Variants in PDCD7 observed in about 807,000 individuals in gnomAD.
The protein encoded by PDCD7 is programmed cell death protein 7.
PDCD7 carries 40 observed loss-of-function variants against 42.1 expected under a neutral mutation model. That is an observed-to-expected ratio of 0.95 (90% CI 0.74 to 1.24). PDCD7 has a LOEUF of 1.24. Among genes scored for constraint, PDCD7 ranks in the 50% most tolerant of loss-of-function variants. The pLI, the probability that PDCD7 is intolerant of heterozygous loss-of-function variation, is 0.00. For synonymous variants in PDCD7, 299 were observed against 303.3 expected, an observed-to-expected ratio of 0.99 and a Z score of 0.15; for missense variants, 644 against 662.8, an observed-to-expected ratio of 0.97 and a Z score of 0.31.
At chr15:65,121,302 C>T (rs909927144) in intron 2 of PDCD7, among the ~76,000 whole-genome samples, 1 of 152,128 alleles carries the variant, frequency 6.6e-6, no homozygotes, top group African/African-American at 2.4e-5. Flanking sequence ...ATCCACCCAC[C>T]TTGGCCTCCC....
At position 65,133,576 on chromosome 15, in the gene PDCD7, T is replaced by A; in HGVS notation, c.206A>T (p.Glu69Val). The A allele has an allele frequency of 8.1e-7, 1 of 1,231,244 alleles. No homozygotes were observed. The highest frequency in any genetic ancestry group is 1.0e-6 in the Non-Finnish European group (1 of 987,296). 76.3% of individuals were successfully genotyped at this position (1,231,244 alleles called of 1,614,324 possible). Residue 69 changes from glutamate to valine, a missense_variant, in exon 1 of 5, where the codon GAG becomes GTG. Coordinates refer to ENST00000204549, the MANE Select transcript of PDCD7 (RefSeq NM_005707.2). ...AGCGCCGCCTCCGCCGCGGGAGGCC[T>A]CCGCGGAGGCTCGGGGCTGCAGAGC... ...PLALQPRASAEASRGGGGAGA... is the reference protein window; with the variant it reads ...PLALQPRASAVASRGGGGAGA...
intron 2 of PDCD7, among the ~76,000 whole-genome samples, chr15:65,120,784 G>A (rs2087447423): frequency 6.6e-6 from 1 of 152,164 alleles, no homozygotes; most frequent in African/African-American, 2.4e-5. Context: ...CTGGCCTCAA[G>A]CAATCCTACC....
In PDCD7 at chr15:65,118,603, A is replaced by G; in HGVS notation, c.*114T>C. The G allele has an allele frequency of 9.2e-7, 1 of 1,090,550 alleles. No individual in the cohort carries two copies. Among genetic ancestry groups the G allele is most frequent in the Non-Finnish European group, 1.3e-6 (1 of 781,572 alleles). The allele number at this position is 1,090,550 out of a possible 1,614,324, so 67.6% of individuals were successfully genotyped here. A position where few individuals can be genotyped will look rare whatever the true frequency, so the allele number is the denominator to read the frequency against. Reference sequence around the variant, plus strand: ...GGAAAGCATAACTTCAGGGTAGGGGAATGCCACATGGAATTTAGAAGTTGC... The same window carrying G: ...GGAAAGCATAACTTCAGGGTAGGGGGATGCCACATGGAATTTAGAAGTTGC... On this transcript the variant is annotated 3_prime_UTR_variant, in exon 5 of 5. Transcript: ENST00000204549.
chr15:65,124,576 T>C (rs2087481470), intron 2 of PDCD7, among the ~76,000 whole-genome samples: 1 of 152,216 alleles, frequency 6.6e-6, no homozygotes, highest in South Asian at 2.1e-4. Flanking sequence ...TTTGCCTCTA[T>C]TCCCCTTTAG....
Position 65,133,589 on chromosome 15 carries a change from G to C in PDCD7, c.193C>G (p.Arg65Gly), listed in dbSNP as rs762426110. 1,098 of 1,233,206 alleles carry C rather than the reference G, an allele frequency of 8.9e-4. 1 individual carries two copies. The highest frequency in any genetic ancestry group is 1.0e-3 in the Non-Finnish European group (1,015 of 987,896). The allele number at this position is 1,233,206 out of a possible 1,614,324, so 76.4% of individuals were successfully genotyped here. A position where few individuals can be genotyped will look rare whatever the true frequency, so the allele number is the denominator to read the frequency against. ...CCGCGGGAGGCCTCCGCGGAGGCTCGGGGCTGCAGAGCCAGCGGAGGCTGA... is the reference window on the plus strand; with the variant it reads ...CCGCGGGAGGCCTCCGCGGAGGCTCCGGGCTGCAGAGCCAGCGGAGGCTGA... ...FLQPPLALQPRASAEASRGGG... is the reference protein window; with the variant it reads ...FLQPPLALQPGASAEASRGGG... The change falls in exon 1 of 5, where the codon CGA (arginine) becomes GGA (glycine). Residue 65 changes from arginine to glycine, a missense_variant. Arg to Gly is a moderately radical substitution (Grantham distance 125). Coordinates refer to ENST00000204549, the MANE Select transcript of PDCD7 (RefSeq NM_005707.2).
In PDCD7 at chr15:65,118,018, C is replaced by T. The variant is rs1169379072; in HGVS notation, c.*699G>A. 1 of 152,138 alleles carries T rather than the reference C, an allele frequency of 6.6e-6. No homozygotes were observed. Among genetic ancestry groups the T allele is most frequent in the African/African-American group, 2.4e-5 (1 of 41,416 alleles). 9.4% of individuals were successfully genotyped at this position (152,138 alleles called of 1,614,324 possible). On this transcript the variant is annotated 3_prime_UTR_variant, in exon 5 of 5. Coordinates refer to ENST00000204549, the MANE Select transcript of PDCD7 (RefSeq NM_005707.2). Reference sequence around the variant, plus strand: ...CTTAGAAACTTAAAAATAACAGGTGCTTTCATTAGGATCCTTCTAACATGG... The same window carrying T: ...CTTAGAAACTTAAAAATAACAGGTGTTTTCATTAGGATCCTTCTAACATGG...
chr15:65,132,249 G>GTA (rs2087546152), intron 1 of PDCD7, among the ~76,000 whole-genome samples: 1 of 150,996 alleles, frequency 6.6e-6, no homozygotes, highest in South Asian at 2.1e-4. Context: ...GCTAATTAGA[G>GTA]TATATATATT....
chr15:65,129,263 C>G (rs921434637), intron 1 of PDCD7, 93 bp from the exon 2 acceptor site: 17 of 1,388,444 alleles, frequency 1.2e-5, no homozygotes, highest in Admixed American at 9.7e-5. Flanking sequence ...AAGGATCAGA[C>G]AGTCTCCAGG....
intron 1 of PDCD7, among the ~76,000 whole-genome samples, chr15:65,132,545 C>T (rs2087549395): frequency 6.6e-6 from 1 of 152,098 alleles, no homozygotes; most frequent in African/African-American, 2.4e-5. Context: ...CCACCGCGCC[C>T]GGCCTGTATT....
chr15:65,130,986 C>T (rs1282813201), intron 1 of PDCD7, among the ~76,000 whole-genome samples: 1 of 152,186 alleles, frequency 6.6e-6, no homozygotes, highest in African/African-American at 2.4e-5. Flanking sequence ...GACATGATCT[C>T]CCACAGATCT....
chr15:65,120,494 G>T lies in PDCD7; in HGVS notation c.1010-540C>A, dbSNP rs2087444919. The stretch of plus-strand genomic sequence containing the variant: ...AATTTTTTGTATGAGGTCTCACGAG[G>T]TCAGGAGATTGAGAACATCCTGGCT... On this transcript the variant is annotated intron_variant, in intron 2 of 4. Coordinates refer to ENST00000204549, the MANE Select transcript of PDCD7 (RefSeq NM_005707.2). Among the ~76,000 whole-genome samples the T allele has an allele frequency of 2.0e-5, 3 of 152,120 alleles. No individual in the cohort carries two copies. The South Asian group carries it at 6.2e-4, about 32-fold the overall frequency.
intron 2 of PDCD7, among the ~76,000 whole-genome samples, chr15:65,121,228 T>C (rs1270759185): frequency 6.6e-6 from 1 of 152,050 alleles, no homozygotes; most frequent in African/African-American, 2.4e-5. Flanking sequence ...CGGCTAATTT[T>C]TGTATTTTTA....
At chr15:65,122,910 G>A (rs2087468197) in intron 2 of PDCD7, among the ~76,000 whole-genome samples, 1 of 151,782 alleles carries the variant, frequency 6.6e-6, no homozygotes. Context: ...GCTGAGGCAG[G>A]AGAATCGCTT....
In PDCD7 at chr15:65,133,711, G is replaced by C; in HGVS notation, c.71C>G (p.Pro24Arg). ...PPPPQPPPPA[P>R]FGCPPPPLPS... is the part of the protein sequence containing the mutation. ...CAGCGGCGGTGGCGGACAGCCGAAA[G>C]GAGCAGGAGGCGGCGGCTGCGGGGG... is the stretch of plus-strand genomic sequence containing the variant. Residue 24 changes from proline to arginine, a missense_variant, in exon 1 of 5, where the codon CCT becomes CGT. Physicochemically the swap from Pro to Arg is moderately radical, Grantham distance 103. Coordinates refer to ENST00000204549, the MANE Select transcript of PDCD7 (RefSeq NM_005707.2). 1 of 1,293,448 alleles carries C rather than the reference G, an allele frequency of 7.7e-7. No homozygotes were observed. The highest frequency in any genetic ancestry group is 9.9e-7 in the Non-Finnish European group (1 of 1,014,464). 80.1% of individuals were successfully genotyped at this position (1,293,448 alleles called of 1,614,324 possible). A position where few individuals can be genotyped will look rare whatever the true frequency, so the allele number is the denominator to read the frequency against.
At chr15:65,120,721 C>T (rs913890980) in intron 2 of PDCD7, among the ~76,000 whole-genome samples, 2 of 151,968 alleles carry the variant, frequency 1.3e-5, no homozygotes, top group African/African-American at 4.8e-5. Context: ...AAAAAAAGAC[C>T]AAAACTTTTT....
Position 65,133,652 on chromosome 15 carries a change from G to A in PDCD7, c.130C>T (p.Arg44Trp). ...GAGGCCCCCGGAAAAGGGCCGGGCC[G>A]CTGGGGGAGAGGCGGCGGGAAAGCC... ...SPAFPPPLPQ[R>W]PGPFPGASAP... The change falls in exon 1 of 5, where the codon CGG (arginine) becomes TGG (tryptophan). Residue 44 changes from arginine to tryptophan, a missense_variant. Physicochemically the swap from Arg to Trp is moderately radical, Grantham distance 101. Transcript: ENST00000204549. 4 of 1,261,868 alleles carry A rather than the reference G, an allele frequency of 3.2e-6. No homozygotes were observed. Among genetic ancestry groups the A allele is most frequent in the Non-Finnish European group, 4.0e-6 (4 of 998,842 alleles). 78.2% of individuals were successfully genotyped at this position (1,261,868 alleles called of 1,614,324 possible).
intron 2 of PDCD7, among the ~76,000 whole-genome samples, chr15:65,120,700 T>A (rs2087446791): frequency 6.6e-6 from 1 of 151,932 alleles, no homozygotes; most frequent in Non-Finnish European, 1.5e-5. Flanking sequence ...AGAGTGAGAC[T>A]CCGTCTCCAA....
chr15:65,118,116 TGAATAATAA>T lies in PDCD7; in HGVS notation c.*592_*600del, dbSNP rs1289804692. 1 of 152,238 alleles carries T rather than the reference TGAATAATAA, an allele frequency of 6.6e-6. No homozygotes were observed. Among genetic ancestry groups the T allele is most frequent in the Non-Finnish European group, 1.5e-5 (1 of 68,042 alleles). 9.4% of individuals were successfully genotyped at this position (152,238 alleles called of 1,614,324 possible). On this transcript the variant is annotated 3_prime_UTR_variant, in exon 5 of 5. Coordinates refer to ENST00000204549, the MANE Select transcript of PDCD7 (RefSeq NM_005707.2). The stretch of plus-strand genomic sequence containing the variant: ...CTTCAGGTTTTCTAAGTTCTCCATC[TGAATAATAA>T]GACTAGGCCACCATCTTTTCTGGCA...
chr15:65,123,590 G>A (rs956664088), intron 2 of PDCD7, among the ~76,000 whole-genome samples: 4 of 152,312 alleles, frequency 2.6e-5, no homozygotes, highest in Admixed American at 6.5e-5. Context: ...ATAAATAATG[G>A]TTTCTCAAGG....
Sources: allele counts gnomAD v4.1 joint callset (sites outside exome capture counted in the v4.1 genomes callset), GRCh38; gene constraint gnomAD v4.1.1; transcripts MANE v1.5; gene names NCBI Gene and HGNC (gene_info 2026-07-23, HGNC 2026-07-21).